CIP2A: variants seen among roughly 807,000 people sequenced by gnomAD.
CIP2A encodes the protein cellular inhibitor of PP2A.
A neutral mutation model predicts 110.9 loss-of-function variants in CIP2A; 103 were observed. The ratio of observed to expected loss-of-function variants is 0.93; its 90% CI spans 0.79 to 1.09. CIP2A has a LOEUF of 1.09. Ranked by LOEUF, CIP2A falls within the 50% of genes least tolerant of loss-of-function variation. The pLI is 0.00. For missense variants in CIP2A, 1,088 were observed against 1,038.4 expected (o/e 1.05, Z -0.66); for synonymous variants, 381 against 361.6 (o/e 1.05, Z -0.61).
chr3:108,582,112 GATCT>G lies in CIP2A; in HGVS notation c.444_447del (p.Asp149ThrfsTer9), dbSNP rs769045487. ...TATGTTTGATTGCATACTCACATGT[GATCT>G]ATCAGGAACGTAATTAATTCATCTA... On this transcript the variant is annotated frameshift_variant, in exon 4 of 21. Coordinates refer to ENST00000295746, the MANE Select transcript of CIP2A (RefSeq NM_020890.3). LOFTEE classifies it high-confidence loss of function. The G allele has an allele frequency of 7.2e-6, 10 of 1,390,396 alleles. No individual in the cohort carries two copies. The South Asian group carries it at 1.3e-4, about 18-fold the overall frequency. The allele number at this position is 1,390,396 out of a possible 1,614,324, so 86.1% of individuals were successfully genotyped here.
chr3:108,589,188 G>A, intron 1 of CIP2A, 86 bp downstream of exon 1: 1 of 970,400 alleles, frequency 1.0e-6, no homozygotes, highest in South Asian at 1.5e-5. Flanking sequence ...TTCTTTCCCA[G>A]GCTGGGGCCG....
At chr3:108,554,278 T>C in intron 18 of CIP2A, 98 bp downstream of exon 18, 1 of 550,528 alleles carries the variant, frequency 1.8e-6, no homozygotes, top group Non-Finnish European at 3.2e-6. Context: ...GTGACAATTC[T>C]ATTAATTTTA....
chr3:108,571,930 G>A (rs556442883), intron 8 of CIP2A, among the ~76,000 whole-genome samples: 14 of 152,020 alleles, frequency 9.2e-5, no homozygotes, highest in Non-Finnish European at 1.9e-4. Flanking sequence ...GTGTCAGATG[G>A]TATGATACTA....
In CIP2A at chr3:108,556,763, T is replaced by TA. The variant is rs1559689089; in HGVS notation, c.2210+454dup. On this transcript the variant is annotated intron_variant, in intron 17 of 20. Transcript: ENST00000295746. Reference sequence around the variant, plus strand: ...ACTTACACCTAAATTTCCATTCTATTAGGCAGAATGATATGAAATTGCCAA... The same window carrying TA: ...ACTTACACCTAAATTTCCATTCTATTAAGGCAGAATGATATGAAATTGCCAA... Among the ~76,000 whole-genome samples, 5 of 152,304 alleles carry TA rather than the reference T, an allele frequency of 3.3e-5. No homozygotes were observed. In the South Asian group the frequency reaches 1.0e-3, roughly 32 times the overall value.
chr3:108,575,893 A>ATATACTCATATACGTGTATATACAC (rs370166708), intron 8 of CIP2A, among the ~76,000 whole-genome samples: 1 of 70,954 alleles, frequency 1.4e-5, no homozygotes, highest in African/African-American at 4.1e-5. Flanking sequence ...CATGTGTATG[A>ATATACTCATATACGTGTATATACAC]GTATATATAC....
In CIP2A at chr3:108,579,576, A is replaced by C. The variant is rs1938792459; in HGVS notation, c.662T>G (p.Val221Gly). The change falls in exon 6 of 21, where the codon GTG becomes GGG. Residue 221 changes from valine to glycine, a missense_variant. Transcript: ENST00000295746. The part of the protein sequence containing the change: ...ILSSLTLNEE[V>G]GEKLFHARNI... ...AAAAATTGTATTTACCTTTTCCCCC[A>C]CCTCTTCATTTAATGTCAAACTGGA... 1 of 1,589,522 alleles carries C rather than the reference A, an allele frequency of 6.3e-7. No homozygotes were observed. Among genetic ancestry groups the C allele is most frequent in the Non-Finnish European group, 8.6e-7 (1 of 1,165,732 alleles).
intron 5 of CIP2A, among the ~76,000 whole-genome samples, chr3:108,580,892 T>G (rs1938851531): frequency 6.6e-6 from 1 of 152,210 alleles, no homozygotes; most frequent in South Asian, 2.1e-4. Flanking sequence ...TCCAAAGTGC[T>G]GGGATTACAG....
chr3:108,568,852 C>T (rs954598135), intron 9 of CIP2A, among the ~76,000 whole-genome samples: 2 of 151,776 alleles, frequency 1.3e-5, no homozygotes, highest in Admixed American at 6.6e-5. Context: ...AAGGGAAATA[C>T]TTTCAGGAGA....
rs9875901 is a variant in CIP2A at position 108,568,122 on chromosome 3, T to C, written c.1273+33A>G. The C allele has an allele frequency of 3.4e-3, 5,343 of 1,562,090 alleles. 166 individuals carry two copies. In the African/African-American group the frequency reaches 0.065, roughly 19 times the overall value. ...CTAGAAAAAAAAGAATGGTTAGTTA[T>C]ACAGTTTTCACGTTAATGACAGTAA... is the stretch of plus-strand genomic sequence containing the variant. On this transcript the variant is annotated intron_variant, in intron 10 of 20. Coordinates refer to ENST00000295746, the MANE Select transcript of CIP2A (RefSeq NM_020890.3).
At chr3:108,572,454 C>T (rs1019169749) in intron 8 of CIP2A, among the ~76,000 whole-genome samples, 1 of 152,074 alleles carries the variant, frequency 6.6e-6, no homozygotes, top group East Asian at 1.9e-4. Context: ...AATGACCATA[C>T]TTTTAAGACT....
intron 19 of CIP2A, among the ~76,000 whole-genome samples, chr3:108,552,673 A>AG (rs1302032505): frequency 6.6e-6 from 1 of 152,200 alleles, no homozygotes; most frequent in Non-Finnish European, 1.5e-5. Flanking sequence ...GCAAGTGAGA[A>AG]CAAAAATGTT....
intron 1 of CIP2A, among the ~76,000 whole-genome samples, chr3:108,588,284 T>G (rs1016006652): frequency 1.3e-5 from 2 of 151,882 alleles, no homozygotes; most frequent in African/African-American, 4.8e-5. Flanking sequence ...CTTCTTAAAA[T>G]AAAGAATGAA....
At chr3:108,551,418 G>T in intron 20 of CIP2A, 99 bp from the exon 21 acceptor site, 1 of 808,188 alleles carries the variant, frequency 1.2e-6, no homozygotes, top group Non-Finnish European at 1.8e-6. Flanking sequence ...ATTTTTTATT[G>T]TACAACAACC....
chr3:108,564,057 A>G (rs979751335), intron 12 of CIP2A, among the ~76,000 whole-genome samples: 9 of 152,052 alleles, frequency 5.9e-5, no homozygotes, highest in African/African-American at 1.7e-4. Context: ...GATATTAGTG[A>G]AGAAAATATT....
At chr3:108,569,638 A>G (rs1360990614) in intron 8 of CIP2A, 31 bp from the exon 9 acceptor site, 53 of 1,501,234 alleles carry the variant, frequency 3.5e-5, no homozygotes, top group Non-Finnish European at 4.7e-5. Flanking sequence ...ATTAAACATC[A>G]ATTTCACAGA....
chr3:108,569,339 A>T, intron 9 of CIP2A, 50 bp downstream of exon 9: 1 of 1,318,904 alleles, frequency 7.6e-7, no homozygotes, highest in Non-Finnish European at 1.1e-6. Context: ...ACAAATTGTT[A>T]ACTGAGAGTC....
chr3:108,588,970 A>T (rs982100145), intron 1 of CIP2A, among the ~76,000 whole-genome samples: 1 of 152,236 alleles, frequency 6.6e-6, no homozygotes, highest in Non-Finnish European at 1.5e-5. Flanking sequence ...TAGAAAAACC[A>T]AAACTAGAAG....
intron 12 of CIP2A, among the ~76,000 whole-genome samples, chr3:108,563,734 G>GT (rs1938086868): frequency 6.6e-6 from 1 of 151,950 alleles, no homozygotes; most frequent in Non-Finnish European, 1.5e-5. Flanking sequence ...CATTAGTATT[G>GT]TAAGCCCCAA....
rs557753184 is a variant in CIP2A at position 108,564,568 on chromosome 3, A to C, written c.1515+787T>G. Among the ~76,000 whole-genome samples, 33 of 152,040 alleles carry C rather than the reference A, an allele frequency of 2.2e-4. No individual in the cohort carries two copies. The South Asian group carries it at 6.2e-3, about 29-fold the overall frequency. On this transcript the variant is annotated intron_variant, in intron 12 of 20. Coordinates refer to ENST00000295746, the MANE Select transcript of CIP2A (RefSeq NM_020890.3). ...GATGAGTGCCATGTAATCAAACTGC[A>C]CTTTGAAATGGGCCAGTTTTCCAAA...
Sources: gnomAD v4.1 joint callset for allele counts (sites outside exome capture counted in the v4.1 genomes callset) on GRCh38, gnomAD v4.1.1 for gene constraint, MANE v1.5 for transcripts, NCBI Gene and HGNC (gene_info 2026-07-23, HGNC 2026-07-21) for gene names.